Variants in NOP56 observed in about 807,000 individuals in gnomAD.
NOP56 encodes the protein NOP56 ribonucleoprotein, also known as nucleolar protein 56.
A neutral mutation model predicts 58.3 loss-of-function variants in NOP56; 31 were observed. That is an observed-to-expected ratio of 0.53 (90% CI 0.40 to 0.72). The LOEUF (loss-of-function observed/expected upper bound fraction) is 0.72, where lower values mean the gene tolerates loss of function less well. NOP56 is among the 30% of genes least tolerant of loss of function. NOP56 has a pLI of 0.00. For missense variants in NOP56, 669 were observed against 739.9 expected, an observed-to-expected ratio of 0.90 and a Z score of 1.11; for synonymous variants, 313 against 282.8, an observed-to-expected ratio of 1.11 and a Z score of -1.07.
At chr20:2,657,653 G>C (rs2086843849) in intron 11 of NOP56, 1 of 516,504 alleles carries the variant, frequency 1.9e-6, no homozygotes, top group Admixed American at 3.6e-5. Context: ...TCAGGGCCCT[G>C]TCTGGAACTT....
rs1356029656 is a variant in NOP56 at position 2,652,922 on chromosome 20, G to A, written c.84G>A (p.Leu28=). Residue 28 remains leucine (L), a synonymous_variant, in exon 2 of 12, where the codon CTG becomes CTA. Transcript: ENST00000329276. ...AGGAAGTGGAGGAGATCAGTCTGCTGCAGCCGCAGGTGGGTGAGATCCGTG... is the reference window on the plus strand; with the variant it reads ...AGGAAGTGGAGGAGATCAGTCTGCTACAGCCGCAGGTGGGTGAGATCCGTG... ...ALKEVEEISL[L]QPQVEESVLN... The A allele has an allele frequency of 1.9e-6, 3 of 1,603,472 alleles. No individual in the cohort carries two copies. Among genetic ancestry groups the A allele is most frequent in the Non-Finnish European group, 2.6e-6 (3 of 1,174,552 alleles).
chr20:2,655,710 A>G lies in NOP56; in HGVS notation c.873A>G (p.Gln291=). The change falls in exon 7 of 12, where the codon CAA becomes CAG. Residue 291 remains glutamine (Q), a synonymous_variant. Coordinates refer to ENST00000329276, the MANE Select transcript of NOP56 (RefSeq NM_006392.4). ...CTTACCTGCGCTCCAAGATGAGCCA[A>G]GTAGCCCCCAGCCTGTCAGCCCTAA... ...LHTYLRSKMS[Q]VAPSLSALIG... is the part of the protein sequence containing the mutation. 2 of 1,614,192 alleles carry G rather than the reference A, an allele frequency of 1.2e-6. No homozygotes were observed. Among genetic ancestry groups the G allele is most frequent in the Non-Finnish European group, 1.7e-6 (2 of 1,180,030 alleles).
rs561345024 is a variant in NOP56, at chr20:2,654,215, C to T, written c.209-199C>T. 5.3e-5 allele frequency: 40 copies of T among 758,706 alleles called. 1 individual carries two copies. The South Asian group carries it at 5.4e-4, about 10-fold the overall frequency. 47.0% of individuals were successfully genotyped at this position (758,706 alleles called of 1,614,324 possible). On this transcript the variant is annotated intron_variant, in intron 3 of 11. Transcript: ENST00000329276. Reference sequence around the variant, plus strand: ...GTTCCCATGGCTGGGCCAGGCTTTGCAGTGATGACTTGCGAATCAAATCTG... The same window carrying T: ...GTTCCCATGGCTGGGCCAGGCTTTGTAGTGATGACTTGCGAATCAAATCTG...
At chr20:2,654,193 C>G (rs578105722) in intron 3 of NOP56, 12 of 744,344 alleles carry the variant, frequency 1.6e-5, no homozygotes, top group Middle Eastern at 2.3e-4. Context: ...TGCAGTTGTT[C>G]CCATGGCTGG....
rs2086803123 is a variant in NOP56 at position 2,655,331 on chromosome 20, G to A, written c.576G>A (p.Trp192Ter). The part of the protein sequence containing the change: ...INTFSMRVRE[W>*]YGYHFPELVK... ...TGACTGTGGCTCTTTGCAGGGAGTG[G>A]TACGGGTATCACTTTCCGGAGCTGG... Residue 192 changes from tryptophan to a stop codon, truncating the protein, a stop_gained, in exon 6 of 12, where the codon TGG (tryptophan) becomes TGA (stop). Coordinates refer to ENST00000329276, the MANE Select transcript of NOP56 (RefSeq NM_006392.4). LOFTEE classifies it high-confidence loss of function. 6.2e-7 allele frequency: 1 copy of A among 1,614,086 alleles called. No homozygotes were observed. Among genetic ancestry groups the A allele is most frequent in the African/African-American group, 1.3e-5 (1 of 74,920 alleles).
intron 3 of NOP56, among the ~76,000 whole-genome samples, chr20:2,653,996 T>C (rs2086784649): frequency 6.6e-6 from 1 of 152,152 alleles, no homozygotes; most frequent in Admixed American, 6.6e-5. Context: ...AACACCTACT[T>C]GTGCCTGAGG....
At position 2,652,655 on chromosome 20, in the gene NOP56, G is replaced by C. The variant is rs760070159; in HGVS notation, c.-6G>C. ...GCATTGCGAGCCGAACCCGGGAGCT[G>C]GCGCCATGGTGAGGAGTGGTTGCGG... On this transcript the variant is annotated 5_prime_UTR_variant, in exon 1 of 12. Transcript: ENST00000329276. The C allele has an allele frequency of 5.6e-6, 8 of 1,429,568 alleles. No individual in the cohort carries two copies. The African/African-American group carries it at 9.1e-5, about 16-fold the overall frequency. The allele number at this position is 1,429,568 out of a possible 1,614,324, so 88.6% of individuals were successfully genotyped here.
chr20:2,654,207 A>G (rs528085542), intron 3 of NOP56: 15 of 754,778 alleles, frequency 2.0e-5, no homozygotes, highest in South Asian at 1.8e-4. Flanking sequence ...TGGCTGGGCC[A>G]GGCTTTGCAG....
chr20:2,657,828 G>A (rs1261681686), intron 11 of NOP56, 101 bp from the exon 12 acceptor site: 2 of 1,309,628 alleles, frequency 1.5e-6, no homozygotes, highest in Non-Finnish European at 2.1e-6. Context: ...CAGAAACACT[G>A]GGCAATGTTA....
rs777829353 is a variant in NOP56 at position 2,656,730 on chromosome 20, TTC to T, written c.1160-38_1160-37del. The T allele has an allele frequency of 5.6e-6, 9 of 1,613,934 alleles. No homozygotes were observed. In the South Asian group the frequency reaches 7.7e-5, roughly 14 times the overall value. On this transcript the variant is annotated intron_variant, in intron 9 of 11. Coordinates refer to ENST00000329276, the MANE Select transcript of NOP56 (RefSeq NM_006392.4). ...AGAGGGAACACAGGGTTGGGGTAGT[TTC>T]TCTCTTTGGGCTGACAGGCTTTGTC... is the stretch of plus-strand genomic sequence containing the variant.
intron 2 of NOP56, 157 bp downstream of exon 2, chr20:2,653,088 G>T: frequency 2.6e-6 from 2 of 766,738 alleles, no homozygotes; most frequent in East Asian, 2.6e-5. Context: ...CTTGACCCAT[G>T]GGTAGAATCG....
Position 2,653,369 on chromosome 20 carries a change from G to C in NOP56, c.184G>C (p.Glu62Gln), listed in dbSNP as rs745885546. 18 of 1,614,152 alleles carry C rather than the reference G, an allele frequency of 1.1e-5. No individual in the cohort carries two copies. Among genetic ancestry groups the C allele is most frequent in the Non-Finnish European group, 1.4e-5 (17 of 1,180,002 alleles). The change falls in exon 3 of 12, where the codon GAA becomes CAA. Residue 62 changes from glutamate to glutamine, a missense_variant. Transcript: ENST00000329276. ...CPFASSQVAL[E>Q]NANAVSEGVV... is the part of the protein sequence containing the mutation. ...CTTTGCCTCATCCCAGGTTGCCTTG[G>C]AAAATGCCAACGCCGTGTCTGAAGG...
At chr20:2,656,653 A>G in intron 9 of NOP56, 104 bp downstream of exon 9, 1 of 1,607,346 alleles carries the variant, frequency 6.2e-7, no homozygotes, top group Non-Finnish European at 8.5e-7. Flanking sequence ...TTTCGTCAAC[A>G]GCAGTTCACC....
Position 2,654,950 on chromosome 20 carries a change from A to G in NOP56, c.569+3A>G, listed in dbSNP as rs1021319677. On this transcript the variant is annotated splice_donor_region_variant and intron_variant, in intron 5 of 11. Coordinates refer to ENST00000329276, the MANE Select transcript of NOP56 (RefSeq NM_006392.4). ...AATACCTTCTCTATGCGTGTCAGGTAAAGTGCAGGGGCCACCCATAATACT... is the reference window on the plus strand; with the variant it reads ...AATACCTTCTCTATGCGTGTCAGGTGAAGTGCAGGGGCCACCCATAATACT... The G allele has an allele frequency of 6.2e-7, 1 of 1,614,020 alleles. No homozygotes were observed. Among genetic ancestry groups the G allele is most frequent in the African/African-American group, 1.3e-5 (1 of 75,048 alleles).
intron 3 of NOP56, 106 bp from the exon 4 acceptor site, chr20:2,654,308 G>C (rs2086789101): frequency 2.7e-6 from 3 of 1,126,362 alleles, no homozygotes; most frequent in Non-Finnish European, 2.7e-6. Flanking sequence ...GAGGGATCTA[G>C]GTATGCCATC....
chr20:2,655,221 T>C (rs1357413234), intron 5 of NOP56, 104 bp from the exon 6 acceptor site: 1 of 1,390,428 alleles, frequency 7.2e-7, no homozygotes, highest in African/African-American at 1.4e-5. Context: ...TTTGGATCTT[T>C]GTCCCATTTC....
Position 2,657,169 on chromosome 20 carries a change from T to A in NOP56, c.1370T>A (p.Leu457His). The change falls in exon 11 of 12, where the codon CTT (leucine) becomes CAT (histidine). Residue 457 changes from leucine (L) to histidine (H), a missense_variant. Physicochemically the swap from Leu to His is moderately conservative, Grantham distance 99. Around this residue, in one of 3 missense-constraint regions of NOP56, gnomAD observed 209 missense variants for 196.2 expected, o/e 1.07. Transcript: ENST00000329276. ...AAGGAAAAGAAACGGCTGGCTGCAC[T>A]TGCCCTCGCGTCTTCAGAAAACAGC... ...LKKEKKRLAA[L>H]ALASSENSSS... 6.2e-7 allele frequency: 1 copy of A among 1,614,158 alleles called. No individual in the cohort carries two copies. Among genetic ancestry groups the A allele is most frequent in the Non-Finnish European group, 8.5e-7 (1 of 1,180,042 alleles).
Position 2,655,645 on chromosome 20 carries a change from C to T in NOP56, c.808C>T (p.Arg270Cys), listed in dbSNP as rs779478293. ...DLINIESFSS[R>C]VVSLSEYRQS... Reference sequence around the variant, plus strand: ...GATAAACATCGAGAGCTTCTCCAGTCGTGTGGTGTCTTTATCTGAATACCG... The same window carrying T: ...GATAAACATCGAGAGCTTCTCCAGTTGTGTGGTGTCTTTATCTGAATACCG... Residue 270 changes from arginine to cysteine, a missense_variant, in exon 7 of 12, where the codon CGT (arginine) becomes TGT (cysteine). Around this residue, in one of 3 missense-constraint regions of NOP56, gnomAD observed 339 missense variants for 430.5 expected, o/e 0.79. Transcript: ENST00000329276. 1.2e-5 allele frequency: 19 copies of T among 1,614,168 alleles called. No homozygotes were observed. Among genetic ancestry groups the T allele is most frequent in the Non-Finnish European group, 1.5e-5 (18 of 1,180,030 alleles).
chr20:2,656,835 CTA>C lies in NOP56; in HGVS notation c.1223_1224del (p.Tyr408Ter). On this transcript the variant is annotated frameshift_variant, in exon 10 of 12. Coordinates refer to ENST00000329276, the MANE Select transcript of NOP56 (RefSeq NM_006392.4). LOFTEE classifies it high-confidence loss of function. ...AACAAGTTGAAGAGCGACTGTCCTT[CTA>C]TGAGACTGGAGAGATACCACGAAAG... is the stretch of plus-strand genomic sequence containing the variant. ...REQVEERLSF[Y>X]ETGEIPRKNL... 3 of 1,614,122 alleles carry C rather than the reference CTA, an allele frequency of 1.9e-6. No homozygotes were observed. The highest frequency in any genetic ancestry group is 1.7e-6 in the Non-Finnish European group (2 of 1,180,010).
Sources: gnomAD v4.1 joint callset for allele counts (sites outside exome capture counted in the v4.1 genomes callset) on GRCh38, gnomAD v4.1.1 for gene constraint, gnomAD v4.1.1 regional missense constraint, MANE v1.5 for transcripts, NCBI Gene and HGNC (gene_info 2026-07-23, HGNC 2026-07-21) for gene names.